Variants in AFF3 observed in about 807,000 individuals in gnomAD.
AFF3 encodes ALF transcription elongation factor 3.
AFF3 carries 32 observed loss-of-function variants against 129.7 expected under a neutral mutation model. The observed-to-expected ratio is 0.25, with a 90% CI of 0.19 to 0.33. The LOEUF (loss-of-function observed/expected upper bound fraction) is 0.33, where lower values mean the gene tolerates loss of function less well. Ranked by LOEUF, AFF3 falls within the 10% of genes least tolerant of loss-of-function variation. The probability of loss-of-function intolerance (pLI) is 1.00; values close to 1 mark genes in which losing one functional copy is unlikely to be tolerated. For missense variants in AFF3, 1,373 were observed against 1,592.0 expected (o/e 0.86, Z 2.34); for synonymous variants, 644 against 635.4 (o/e 1.01, Z -0.20).
At chr2:99,575,541 A>G (rs916994282) in intron 18 of AFF3, among the ~76,000 whole-genome samples, 2 of 151,456 alleles carry the variant, frequency 1.3e-5, no homozygotes, top group Non-Finnish European at 2.9e-5. Context: ...GATTACAGGC[A>G]TGAGCCACCG....
At chr2:99,998,301 T>G (rs1337211010) in intron 7 of AFF3, among the ~76,000 whole-genome samples, 1 of 151,956 alleles carries the variant, frequency 6.6e-6, no homozygotes, top group East Asian at 1.9e-4. Context: ...AGGGTCAGAG[T>G]TGCCCAAAGA....
At chr2:99,805,324 A>C (rs1686254219) in intron 8 of AFF3, among the ~76,000 whole-genome samples, 1 of 152,238 alleles carries the variant, frequency 6.6e-6, no homozygotes, top group Admixed American at 6.5e-5. Flanking sequence ...CAACTTAAAG[A>C]AGAAACATTT....
intron 8 of AFF3, among the ~76,000 whole-genome samples, chr2:99,814,825 T>C (rs936261980): frequency 1.3e-5 from 2 of 151,334 alleles, no homozygotes; most frequent in Non-Finnish European, 2.9e-5. Context: ...GCTTTGACTA[T>C]GCCATATGAT....
intron 13 of AFF3, among the ~76,000 whole-genome samples, chr2:99,626,900 C>T (rs1395242297): frequency 1.3e-5 from 2 of 152,144 alleles, no homozygotes; most frequent in African/African-American, 4.8e-5. Flanking sequence ...CTGCAAGGAA[C>T]ATGATTTGTT....
intron 9 of AFF3, among the ~76,000 whole-genome samples, chr2:99,747,570 G>A (rs952574056): frequency 1.3e-5 from 2 of 152,114 alleles, no homozygotes; most frequent in African/African-American, 4.8e-5. Flanking sequence ...GCTTACAGAT[G>A]ACCTGAATTA....
intron 7 of AFF3, among the ~76,000 whole-genome samples, chr2:99,912,213 T>G (rs909105269): frequency 9.2e-5 from 14 of 152,336 alleles, no homozygotes; most frequent in Admixed American, 8.5e-4. Flanking sequence ...GAACCTAGCA[T>G]TATTAGAGGC....
intron 4 of AFF3, among the ~76,000 whole-genome samples, chr2:100,016,741 T>C (rs1683140216): frequency 6.6e-6 from 1 of 150,900 alleles, no homozygotes; most frequent in African/African-American, 2.4e-5. Context: ...ATAGTATTGG[T>C]GGTGAACATG....
At chr2:99,618,893 GATTCATTCATTC>G (rs112677518) in intron 13 of AFF3, among the ~76,000 whole-genome samples, 9 of 149,850 alleles carry the variant, frequency 6.0e-5, no homozygotes, top group Non-Finnish European at 1.0e-4. Flanking sequence ...AGCTCTGATC[GATTCATTCATTC>G]ATTCATTCAT....
chr2:99,759,706 A>G (rs570583630), intron 8 of AFF3, among the ~76,000 whole-genome samples: 4 of 152,386 alleles, frequency 2.6e-5, no homozygotes, highest in African/African-American at 9.6e-5. Context: ...ATTTTAATAC[A>G]TTTATAATGT....
At chr2:100,108,908 CTTTTTTTT>C (rs34769933) in intron 2 of AFF3, among the ~76,000 whole-genome samples, 1 of 88,090 alleles carries the variant, frequency 1.1e-5, no homozygotes, top group Non-Finnish European at 2.2e-5. Flanking sequence ...CATTTCTTTC[CTTTTTTTT>C]TTTTTTTTTT....
At position 100,042,334 on chromosome 2, in the gene AFF3, T is replaced by C. The variant is rs532067312; in HGVS notation, c.54-33402A>G. Among the ~76,000 whole-genome samples, 67 of 152,352 alleles carry C rather than the reference T, an allele frequency of 4.4e-4. 1 individual carries two copies. The highest frequency in any genetic ancestry group is 1.6e-3 in the African/African-American group (65 of 41,572). Reference sequence around the variant, plus strand: ...CATTATGCGCCCCGCACTCACTTCATTTTCTCTAGAGCATAAGTATATTCC... The same window carrying C: ...CATTATGCGCCCCGCACTCACTTCACTTTCTCTAGAGCATAAGTATATTCC... On this transcript the variant is annotated intron_variant, in intron 4 of 24. Coordinates refer to ENST00000672756, the MANE Select transcript of AFF3 (RefSeq NM_001386135.1).
At chr2:100,106,932 T>C (rs1691330652) in intron 2 of AFF3, 2 of 985,408 alleles carry the variant, frequency 2.0e-6, no homozygotes, top group Non-Finnish European at 2.4e-6. Flanking sequence ...ATGAAAGGCC[T>C]CTCCCAAAAA....
chr2:99,778,895 CGCGTGTGTGTGTGTGTGT>C (rs796595545), intron 8 of AFF3, among the ~76,000 whole-genome samples: 12 of 137,204 alleles, frequency 8.7e-5, no homozygotes, highest in African/African-American at 3.4e-4. Context: ...TGTGTGTGTG[CGCGTGTGTGTGTGTGTGT>C]GTGTGTGTGT....
intron 15 of AFF3, among the ~76,000 whole-genome samples, chr2:99,591,405 T>C (rs1397522674): frequency 6.6e-6 from 1 of 152,170 alleles, no homozygotes; most frequent in Non-Finnish European, 1.5e-5. Context: ...CAGGCTGGTC[T>C]TGAACTCCTG....
intron 11 of AFF3, among the ~76,000 whole-genome samples, chr2:99,700,942 A>G (rs150357706): frequency 6.6e-6 from 1 of 152,326 alleles, no homozygotes; most frequent in Non-Finnish European, 1.5e-5. Flanking sequence ...ACGTGTACTC[A>G]GGGATTGAGG....
intron 4 of AFF3, among the ~76,000 whole-genome samples, chr2:100,019,765 C>T (rs539495264): frequency 6.6e-6 from 1 of 151,978 alleles, no homozygotes; most frequent in Non-Finnish European, 1.5e-5. Context: ...TGGTCAGATG[C>T]GCCTCAATTT....
At chr2:99,609,383 TC>T (rs1462653047) in intron 13 of AFF3, among the ~76,000 whole-genome samples, 1 of 152,094 alleles carries the variant, frequency 6.6e-6, no homozygotes, top group Non-Finnish European at 1.5e-5. Flanking sequence ...CTCACTCCCC[TC>T]CCACCTTTCC....
At chr2:99,975,473 T>C (rs1678781657) in intron 7 of AFF3, among the ~76,000 whole-genome samples, 2 of 152,190 alleles carry the variant, frequency 1.3e-5, no homozygotes, top group Non-Finnish European at 2.9e-5. Flanking sequence ...GTCATGGAAA[T>C]ACATATGTAA....
intron 4 of AFF3, among the ~76,000 whole-genome samples, chr2:100,026,730 T>TATAA (rs1173451477): frequency 1.3e-5 from 2 of 148,320 alleles, no homozygotes; most frequent in Non-Finnish European, 3.0e-5. Context: ...TATATATATA[T>TATAA]AATGGAATAC....
Sources: gnomAD v4.1 joint callset for allele counts (sites outside exome capture counted in the v4.1 genomes callset) on GRCh38, gnomAD v4.1.1 for gene constraint, MANE v1.5 for transcripts, NCBI Gene and HGNC (gene_info 2026-07-23, HGNC 2026-07-21) for gene names.